The following IGF2BP1 variants were observed in gnomAD, a reference collection of about 807,000 sequenced individuals.
IGF2BP1 encodes the protein insulin-like growth factor 2 mRNA-binding protein 1.
IGF2BP1 carries 11 observed loss-of-function variants against 74.9 expected under a neutral mutation model. The observed-to-expected ratio is 0.15, with a 90% confidence interval of 0.09 to 0.24. The LOEUF (loss-of-function observed/expected upper bound fraction) is 0.24, where lower values mean the gene tolerates loss of function less well. Among genes scored for constraint, IGF2BP1 ranks in the 10% least tolerant of loss-of-function variants. The pLI is 1.00. For missense variants in IGF2BP1, 440 were observed against 757.4 expected (o/e 0.58, Z 4.92); for synonymous variants, 287 against 281.8 (o/e 1.02, Z -0.18).
chr17:49,045,753 T>G, intron 12 of IGF2BP1, 137 bp from the exon 13 acceptor site: 1 of 815,980 alleles, frequency 1.2e-6, no homozygotes, highest in Non-Finnish European at 1.9e-6. Context: ...GCCCTTCACC[T>G]GCCTTAGATG....
At chr17:49,022,755 T>C (rs1319990647) in intron 2 of IGF2BP1, among the ~76,000 whole-genome samples, 1 of 152,164 alleles carries the variant, frequency 6.6e-6, no homozygotes, top group Non-Finnish European at 1.5e-5. Flanking sequence ...AGAAAGCCTC[T>C]AAAACTGGGA....
chr17:49,005,095 G>A (rs2041534679), intron 2 of IGF2BP1, among the ~76,000 whole-genome samples: 1 of 152,172 alleles, frequency 6.6e-6, no homozygotes, highest in South Asian at 2.1e-4. Flanking sequence ...TTATTGCAGA[G>A]CCTGCTTTGT....
intron 2 of IGF2BP1, among the ~76,000 whole-genome samples, chr17:49,024,245 A>G (rs1379109504): frequency 6.6e-6 from 1 of 151,918 alleles, no homozygotes; most frequent in African/African-American, 2.4e-5. Flanking sequence ...ATTACATTTT[A>G]AAGATGGGAA....
chr17:49,021,749 G>A (rs1476394525), intron 2 of IGF2BP1, among the ~76,000 whole-genome samples: 1 of 152,200 alleles, frequency 6.6e-6, no homozygotes, highest in Non-Finnish European at 1.5e-5. Context: ...CTGAACAATG[G>A]CTGTTCATCG....
chr17:49,018,593 A>C (rs1598135444), intron 2 of IGF2BP1, among the ~76,000 whole-genome samples: 1 of 151,984 alleles, frequency 6.6e-6, no homozygotes, highest in Non-Finnish European at 1.5e-5. Context: ...AAATCTTGAA[A>C]TGGTGTGCAA....
intron 4 of IGF2BP1, among the ~76,000 whole-genome samples, chr17:49,029,026 C>T (rs958349072): frequency 1.3e-5 from 2 of 152,146 alleles, no homozygotes; most frequent in Admixed American, 1.3e-4. Flanking sequence ...AGGCTGGTCT[C>T]GAACTCCTGA....
intron 2 of IGF2BP1, among the ~76,000 whole-genome samples, chr17:49,004,032 C>T (rs1260452646): frequency 1.3e-5 from 2 of 152,004 alleles, no homozygotes; most frequent in African/African-American, 4.8e-5. Flanking sequence ...CTGGAGCGCT[C>T]GCCCCGGCCC....
intron 7 of IGF2BP1, among the ~76,000 whole-genome samples, chr17:49,040,303 C>CCT (rs2042036380): frequency 6.6e-6 from 1 of 152,338 alleles, no homozygotes; most frequent in African/African-American, 2.4e-5. Context: ...GCAACCTCTG[C>CCT]CTCTGGATCT....
At position 49,014,911 on chromosome 17, in the gene IGF2BP1, G is replaced by C. The variant is rs187729637; in HGVS notation, c.237-10707G>C. 5.2e-4 allele frequency: 510 copies of C among 985,310 alleles called. 1 individual carries two copies. The African/African-American group carries it at 8.4e-3, about 16-fold the overall frequency. The allele number at this position is 985,310 out of a possible 1,614,324, so 61.0% of individuals were successfully genotyped here. A position where few individuals can be genotyped will look rare whatever the true frequency, so the allele number is the denominator to read the frequency against. ...TCCTGGCTCCTGAGAGGGCCACCTCGGCTGTTCCCTCTGGAGGACAGAGCC... is the reference window on the plus strand; with the variant it reads ...TCCTGGCTCCTGAGAGGGCCACCTCCGCTGTTCCCTCTGGAGGACAGAGCC... On this transcript the variant is annotated intron_variant, in intron 2 of 14. Transcript: ENST00000290341.
intron 2 of IGF2BP1, chr17:49,013,072 A>T (rs1302386899): frequency 6.6e-6 from 1 of 152,116 alleles, no homozygotes; most frequent in Non-Finnish European, 1.5e-5. Flanking sequence ...CTGGTTGTTG[A>T]GAGGCTCAAC....
chr17:49,047,807 A>G (rs2042121759), intron 14 of IGF2BP1, among the ~76,000 whole-genome samples: 1 of 148,966 alleles, frequency 6.7e-6, no homozygotes, highest in African/African-American at 2.5e-5. Context: ...TCTACCTCCC[A>G]GGCTCAAGTG....
chr17:49,035,628 T>C lies in IGF2BP1; in HGVS notation c.402-2540T>C, dbSNP rs145702937. ...TGGCGCCTCCCTGCGGGCGTGCACC[T>C]GCAGCGGTGGGGGTGGCTGGGGCAC... is the stretch of plus-strand genomic sequence containing the variant. On this transcript the variant is annotated intron_variant, in intron 5 of 14. Transcript: ENST00000290341. Among the ~76,000 whole-genome samples, 34 of 152,228 alleles carry C rather than the reference T, an allele frequency of 2.2e-4. No homozygotes were observed. The East Asian group carries it at 6.2e-3, about 28-fold the overall frequency.
intron 4 of IGF2BP1, among the ~76,000 whole-genome samples, chr17:49,031,056 T>C (rs1958365736): frequency 1.3e-5 from 2 of 152,332 alleles, no homozygotes; most frequent in South Asian, 4.1e-4. Flanking sequence ...CACCCATTTG[T>C]ATATCCACTT....
At chr17:48,999,957 TGTGTGTTC>T (rs1424500138) in intron 2 of IGF2BP1, among the ~76,000 whole-genome samples, 1 of 151,150 alleles carries the variant, frequency 6.6e-6, no homozygotes, top group Non-Finnish European at 1.5e-5. Flanking sequence ...TGTGTGTGTG[TGTGTGTTC>T]GTGTGTGTTC....
intron 2 of IGF2BP1, chr17:49,015,010 C>T: frequency 1.1e-6 from 1 of 899,592 alleles, no homozygotes. Context: ...GGCCGGGCCT[C>T]TGAAACCCCG....
chr17:49,038,140 G>A (rs746639752), intron 5 of IGF2BP1, 28 bp from the exon 6 acceptor site: 1 of 1,452,136 alleles, frequency 6.9e-7, no homozygotes, highest in Non-Finnish European at 9.1e-7. Context: ...GGATTGGAAT[G>A]ACCTGTAGAC....
At chr17:49,031,705 A>G (rs76642118) in intron 4 of IGF2BP1, among the ~76,000 whole-genome samples, 1 of 150,608 alleles carries the variant, frequency 6.6e-6, no homozygotes, top group Middle Eastern at 3.5e-3. Flanking sequence ...ACAGGGTTTC[A>G]CTGTGTTGGC....
rs60753189 is a variant in IGF2BP1, at chr17:49,019,904, T to TTATATATA, written c.237-5676_237-5669dup. On this transcript the variant is annotated intron_variant, in intron 2 of 14. Coordinates refer to ENST00000290341, the MANE Select transcript of IGF2BP1 (RefSeq NM_006546.4). ...GACCACAGGTGCACACCTGGCTAAT[T>TTATATATA]TATATATATATATATATATATATAT... Among the ~76,000 whole-genome samples the TTATATATA allele has an allele frequency of 9.4e-3, 411 of 43,752 alleles. 3 individuals are homozygous for TTATATATA. The highest frequency in any genetic ancestry group is 0.012 in the East Asian group (19 of 1,540). The allele number at this position is 43,752 out of a possible 152,430, so 28.7% of individuals were successfully genotyped here.
chr17:48,998,069 T>C (rs902295949), intron 1 of IGF2BP1, 149 bp downstream of exon 1: 12 of 738,274 alleles, frequency 1.6e-5, no homozygotes, highest in Admixed American at 1.5e-4. Flanking sequence ...CCCCCTTCGA[T>C]GCCCCCTCCC....
Sources: allele counts gnomAD v4.1 joint callset (sites outside exome capture counted in the v4.1 genomes callset), GRCh38; gene constraint gnomAD v4.1.1; transcripts MANE v1.5; gene names NCBI Gene and HGNC (gene_info 2026-07-23, HGNC 2026-07-21).